Variants in FSTL4 observed in about 807,000 individuals in gnomAD.
FSTL4 encodes the protein follistatin-related protein 4.
A neutral mutation model predicts 78.2 loss-of-function variants in FSTL4; 28 were observed. That is an observed-to-expected ratio of 0.36 (90% CI 0.27 to 0.49). The LOEUF (loss-of-function observed/expected upper bound fraction) is 0.49. FSTL4 is among the 20% of genes least tolerant of loss of function. The pLI is 0.98. For missense variants in FSTL4, 922 were observed against 1,084.9 expected (o/e 0.85, Z 2.11); for synonymous variants, 422 against 440.5 (o/e 0.96, Z 0.53).
chr5:133,460,946 TA>T (rs1380354043), intron 3 of FSTL4, among the ~76,000 whole-genome samples: 2 of 152,258 alleles, frequency 1.3e-5, no homozygotes, highest in Non-Finnish European at 2.9e-5. Context: ...ATTTTTCTTA[TA>T]ACATTGGATT....
Position 133,531,415 on chromosome 5 carries a change from G to A in FSTL4, c.160+35771C>T, listed in dbSNP as rs191219052. Among the ~76,000 whole-genome samples the A allele has an allele frequency of 2.3e-3, 353 of 152,248 alleles. 4 individuals are homozygous for A. Among genetic ancestry groups the A allele is most frequent in the Admixed American group, 0.022 (331 of 15,288 alleles). ...AGGATTATTCTTACCCATGACTCAT[G>A]AGGCCTTAAGCGTCCTACTTCTGCC... On this transcript the variant is annotated intron_variant, in intron 3 of 15. Transcript: ENST00000265342.
intron 3 of FSTL4, among the ~76,000 whole-genome samples, chr5:133,444,318 A>C (rs1200355157): frequency 1.3e-5 from 2 of 152,190 alleles, no homozygotes; most frequent in Non-Finnish European, 2.9e-5. Context: ...CAGTTGGGCC[A>C]CCTGGCTTCT....
intron 3 of FSTL4, among the ~76,000 whole-genome samples, chr5:133,505,521 CAGTA>C (rs59258228): frequency 0.014 from 2,169 of 152,314 alleles, 48 homozygotes; most frequent in African/African-American, 0.05. Flanking sequence ...AGAAGACAAA[CAGTA>C]AGAGAAGAAA....
chr5:133,239,954 AAG>A (rs1466628746), intron 7 of FSTL4, among the ~76,000 whole-genome samples: 2 of 152,352 alleles, frequency 1.3e-5, no homozygotes, highest in Middle Eastern at 3.4e-3. Flanking sequence ...GGGGCCAGAT[AAG>A]AGAATAAAAG....
At chr5:133,596,566 A>G (rs1287650001) in intron 2 of FSTL4, among the ~76,000 whole-genome samples, 11 of 152,224 alleles carry the variant, frequency 7.2e-5, no homozygotes, top group African/African-American at 2.7e-4. Flanking sequence ...GCCCTCCAGA[A>G]GGGTTTCGAT....
intron 3 of FSTL4, among the ~76,000 whole-genome samples, chr5:133,539,631 G>A (rs1443832406): frequency 6.6e-6 from 1 of 152,088 alleles, no homozygotes; most frequent in Non-Finnish European, 1.5e-5. Context: ...TAGGGCTCCG[G>A]TCGACTCCAG....
At chr5:133,456,862 G>C (rs747648) in intron 3 of FSTL4, among the ~76,000 whole-genome samples, 28,468 of 152,142 alleles carry the variant, frequency 0.19, 3,021 homozygotes, top group Non-Finnish European at 0.22. Context: ...CACACAGCCT[G>C]GCTGCACCCA....
At chr5:133,598,482 G>A (rs77886790) in intron 2 of FSTL4, among the ~76,000 whole-genome samples, 1,592 of 151,926 alleles carry the variant, frequency 0.01, 21 homozygotes, top group Non-Finnish European at 0.014. Flanking sequence ...GGGAGGTTCT[G>A]CCACCATCAT....
At chr5:133,356,534 C>A (rs972007705) in intron 4 of FSTL4, among the ~76,000 whole-genome samples, 7 of 152,332 alleles carry the variant, frequency 4.6e-5, no homozygotes, top group Admixed American at 3.3e-4. Flanking sequence ...CAGGTAGACG[C>A]CCCTGCAGCA....
chr5:133,824,866 C>T, the FSTL4 span, among the ~76,000 whole-genome samples: 2 of 151,982 alleles, frequency 1.3e-5, no homozygotes, highest in Non-Finnish European at 2.9e-5. Context: ...TACCTGAGTC[C>T]AGGACTCCCA....
intron 3 of FSTL4, among the ~76,000 whole-genome samples, chr5:133,420,292 A>G (rs550478398): frequency 1.3e-5 from 2 of 152,352 alleles, no homozygotes; most frequent in East Asian, 3.9e-4. Context: ...GTTGATAGCA[A>G]TGTTTTATAT....
chr5:133,221,919 T>TTGTTTTTG (rs1561626944), intron 11 of FSTL4, among the ~76,000 whole-genome samples: 22 of 133,358 alleles, frequency 1.6e-4, no homozygotes, highest in Non-Finnish European at 2.7e-4. Context: ...TTTTTTTTTT[T>TTGTTTTTG]TTTTTTTTAG....
At chr5:133,494,561 G>A (rs1758332752) in intron 3 of FSTL4, among the ~76,000 whole-genome samples, 1 of 152,204 alleles carries the variant, frequency 6.6e-6, no homozygotes, top group Non-Finnish European at 1.5e-5. Context: ...AGAATACACT[G>A]AGAGGCAGTA....
rs1307945768 is a variant in FSTL4 at position 133,225,131 on chromosome 5, T to C, written c.1312+19A>G. On this transcript the variant is annotated intron_variant, in intron 10 of 15. Coordinates refer to ENST00000265342, the MANE Select transcript of FSTL4 (RefSeq NM_015082.2). The surrounding 1 kb of genome is among the most constrained non-coding windows in gnomAD (Gnocchi z 4.6). ...CTCCCAGCCAGCTCAGTGAGAAGCA[T>C]AAACGCGTGTCGACTTACGGGTCTT... 2 of 1,614,138 alleles carry C rather than the reference T, an allele frequency of 1.2e-6. No homozygotes were observed. Among genetic ancestry groups the C allele is most frequent in the African/African-American group, 2.7e-5 (2 of 75,040 alleles).
the FSTL4 span, among the ~76,000 whole-genome samples, chr5:133,758,135 G>A: frequency 6.6e-6 from 1 of 152,124 alleles, no homozygotes; most frequent in Non-Finnish European, 1.5e-5. Flanking sequence ...CACTAAGGTC[G>A]ATCCTTTACA....
chr5:133,225,701 G>T lies in FSTL4; in HGVS notation c.1134C>A (p.Gly378=). 6.2e-7 allele frequency: 1 copy of T among 1,611,232 alleles called. No individual in the cohort carries two copies. The highest frequency in any genetic ancestry group is 8.5e-7 in the Non-Finnish European group (1 of 1,178,734). Residue 378 remains glycine (G), a synonymous_variant, in exon 9 of 16, where the codon GGC becomes GGA. Coordinates refer to ENST00000265342, the MANE Select transcript of FSTL4 (RefSeq NM_015082.2). The surrounding 1 kb of genome is among the most constrained non-coding windows in gnomAD (Gnocchi z 4.6). ...PMPRITWLKN[G]VDVSTQMSKQ... The stretch of plus-strand genomic sequence containing the variant: ...TGGACATCTGAGTTGAGACATCCAC[G>T]CCGTTTTTCAGCCAAGTGATTCTGG...
chr5:133,735,748 A>G, the FSTL4 span, among the ~76,000 whole-genome samples: 1 of 152,212 alleles, frequency 6.6e-6, no homozygotes, highest in African/African-American at 2.4e-5. Context: ...TCACGTCTCT[A>G]TAACAATGTG....
chr5:133,750,657 C>T, the FSTL4 span, among the ~76,000 whole-genome samples: 3 of 152,272 alleles, frequency 2.0e-5, no homozygotes, highest in South Asian at 6.2e-4. Context: ...CCCAAAGGAG[C>T]CCAGCCACCT....
chr5:133,309,426 C>A (rs1418708315), intron 6 of FSTL4, among the ~76,000 whole-genome samples: 1 of 152,198 alleles, frequency 6.6e-6, no homozygotes, highest in Non-Finnish European at 1.5e-5. Flanking sequence ...CAATTGGGAG[C>A]CTTGGCTCCA....
Sources: gnomAD v4.1 joint callset for allele counts (sites outside exome capture counted in the v4.1 genomes callset) on GRCh38, gnomAD v4.1.1 for gene constraint, Gnocchi (gnomAD v3.1) non-coding constraint, MANE v1.5 for transcripts, NCBI Gene and HGNC (gene_info 2026-07-23, HGNC 2026-07-21) for gene names.